The following MED12L variants were observed in gnomAD, a reference collection of about 807,000 sequenced individuals.
MED12L encodes the protein mediator complex subunit 12L.
A neutral mutation model predicts 281.3 loss-of-function variants in MED12L; 60 were observed. That is an observed-to-expected ratio of 0.21 (90% CI 0.17 to 0.26). MED12L has a LOEUF of 0.26. Ranked by LOEUF, MED12L falls within the 10% of genes least tolerant of loss-of-function variation. The probability of loss-of-function intolerance (pLI) is 1.00; values close to 1 mark genes in which losing one functional copy is unlikely to be tolerated. For missense variants in MED12L, 2,146 were observed against 2,680.9 expected (o/e 0.80, Z 4.41); for synonymous variants, 974 against 987.2 (o/e 0.99, Z 0.25).
intron 39 of MED12L, among the ~76,000 whole-genome samples, chr3:151,398,458 G>T (rs1715259425): frequency 6.6e-6 from 1 of 152,180 alleles, no homozygotes; most frequent in Non-Finnish European, 1.5e-5. Flanking sequence ...ATGAGCTTCA[G>T]TCAGTCATGG....
intron 13 of MED12L, 65 bp downstream of exon 13, chr3:151,188,545 C>G: frequency 6.9e-7 from 1 of 1,441,418 alleles, no homozygotes; most frequent in Non-Finnish European, 9.4e-7. Context: ...TTTCTGATTC[C>G]TTTTTTAAAA....
rs1756337965 is a variant in MED12L at position 151,372,677 on chromosome 3, A to T, written c.3775A>T (p.Asn1259Tyr). 1.2e-6 allele frequency: 2 copies of T among 1,613,866 alleles called. No individual in the cohort carries two copies. Among genetic ancestry groups the T allele is most frequent in the Non-Finnish European group, 1.7e-6 (2 of 1,179,896 alleles). Residue 1259 changes from asparagine to tyrosine, a missense_variant, in exon 27 of 45, where the codon AAT becomes TAT. This residue lies in a region of MED12L where 235 missense variants were observed against 260.3 expected (regional missense o/e 0.90). Coordinates refer to ENST00000687756, the MANE Select transcript of MED12L (RefSeq NM_001393769.1). ...TGATGATATCTGGACTGCCTCACAAAATCCAAAATCCTGTGGGAAAAGCAT... is the reference window on the plus strand; with the variant it reads ...TGATGATATCTGGACTGCCTCACAATATCCAAAATCCTGTGGGAAAAGCAT... ...NADDIWTASQ[N>Y]PKSCGKSISI...
intron 39 of MED12L, 107 bp downstream of exon 39, chr3:151,394,974 T>C (rs1226818104): frequency 1.4e-6 from 2 of 1,422,258 alleles, no homozygotes; most frequent in African/African-American, 2.8e-5. Context: ...TATCCCTGTA[T>C]ACTTGTGTGA....
chr3:151,160,938 G>C (rs1411535397), intron 8 of MED12L, among the ~76,000 whole-genome samples: 1 of 152,226 alleles, frequency 6.6e-6, no homozygotes, highest in African/African-American at 2.4e-5. Flanking sequence ...AAAGTTTCCT[G>C]GCAGGGGAAA....
chr3:151,161,210 G>C (rs1011943822), intron 8 of MED12L, among the ~76,000 whole-genome samples: 2 of 152,212 alleles, frequency 1.3e-5, no homozygotes, highest in Non-Finnish European at 2.9e-5. Flanking sequence ...AAAGAAATCA[G>C]TTTGGAAGCA....
At chr3:151,167,569 C>A (rs1041217852) in intron 11 of MED12L, among the ~76,000 whole-genome samples, 1 of 152,190 alleles carries the variant, frequency 6.6e-6, no homozygotes, top group Non-Finnish European at 1.5e-5. Flanking sequence ...TGATTGATCA[C>A]CCTGCTTCTC....
intron 16 of MED12L, among the ~76,000 whole-genome samples, chr3:151,220,721 C>T (rs1046133260): frequency 6.6e-6 from 1 of 152,198 alleles, no homozygotes; most frequent in African/African-American, 2.4e-5. Context: ...TGAGGCCTCC[C>T]ACCATGTGGA....
chr3:151,286,172 T>A (rs1297415140), intron 16 of MED12L, among the ~76,000 whole-genome samples: 1 of 152,126 alleles, frequency 6.6e-6, no homozygotes, highest in Admixed American at 6.5e-5. Context: ...CTCACATGGC[T>A]CTACCTCCTG....
intron 2 of MED12L, among the ~76,000 whole-genome samples, chr3:151,100,629 A>C (rs1721277225): frequency 1.3e-5 from 2 of 152,110 alleles, no homozygotes; most frequent in Admixed American, 1.3e-4. Context: ...TTTTTTAATA[A>C]AGCTTCACAC....
chr3:151,111,539 A>G (rs1711895769), intron 2 of MED12L, among the ~76,000 whole-genome samples: 1 of 152,198 alleles, frequency 6.6e-6, no homozygotes, highest in Non-Finnish European at 1.5e-5. Context: ...TCTTACCCAC[A>G]GTGCTGTCCC....
At chr3:151,314,841 G>A (rs576285691) in intron 16 of MED12L, among the ~76,000 whole-genome samples, 33 of 152,280 alleles carry the variant, frequency 2.2e-4, no homozygotes, top group African/African-American at 7.9e-4. Flanking sequence ...CATTTTACCT[G>A]TGAGGAAGGG....
At chr3:151,155,340 G>A (rs1192659612) in intron 5 of MED12L, among the ~76,000 whole-genome samples, 1 of 152,242 alleles carries the variant, frequency 6.6e-6, no homozygotes, top group Non-Finnish European at 1.5e-5. Context: ...GCAACACACT[G>A]ATTTAATTTG....
intron 7 of MED12L, 140 bp from the exon 8 acceptor site, chr3:151,159,692 C>A: frequency 1.4e-6 from 1 of 735,068 alleles, no homozygotes; most frequent in Non-Finnish European, 2.1e-6. Context: ...GGCTCACATT[C>A]TATTTCTATT....
At chr3:151,314,610 C>T (rs1747990459) in intron 16 of MED12L, among the ~76,000 whole-genome samples, 1 of 152,140 alleles carries the variant, frequency 6.6e-6, no homozygotes, top group Non-Finnish European at 1.5e-5. Flanking sequence ...AATCTGAGAC[C>T]TAGCGAAGTC....
At chr3:151,131,918 A>G (rs1384587610) in intron 5 of MED12L, among the ~76,000 whole-genome samples, 3 of 152,196 alleles carry the variant, frequency 2.0e-5, no homozygotes, top group East Asian at 1.9e-4. Context: ...TGGATGGATT[A>G]TTAGGTTTAG....
intron 16 of MED12L, among the ~76,000 whole-genome samples, chr3:151,217,246 T>A (rs892027493): frequency 3.3e-5 from 5 of 152,182 alleles, no homozygotes; most frequent in African/African-American, 9.7e-5. Context: ...ATGAGAGACA[T>A]AATTCCTTTT....
chr3:151,268,299 C>G (rs553430038), intron 16 of MED12L, among the ~76,000 whole-genome samples: 1 of 152,132 alleles, frequency 6.6e-6, no homozygotes, highest in African/African-American at 2.4e-5. Context: ...CTGTGAATTA[C>G]TGTTTTATGG....
intron 16 of MED12L, among the ~76,000 whole-genome samples, chr3:151,276,616 C>T (rs770395775): frequency 1.2e-4 from 18 of 152,150 alleles, no homozygotes; most frequent in Non-Finnish European, 2.5e-4. Flanking sequence ...GTTCATAGAG[C>T]CTTAGGCTTA....
At chr3:151,177,485 T>C (rs1377335400) in intron 11 of MED12L, among the ~76,000 whole-genome samples, 2 of 152,184 alleles carry the variant, frequency 1.3e-5, no homozygotes, top group African/African-American at 4.8e-5. Flanking sequence ...TTAGAGATGA[T>C]GTGTGTAAAA....
Sources: allele counts gnomAD v4.1 joint callset (sites outside exome capture counted in the v4.1 genomes callset), GRCh38; gene constraint gnomAD v4.1.1; regional missense constraint gnomAD v4.1.1; transcripts MANE v1.5; gene names NCBI Gene and HGNC (gene_info 2026-07-23, HGNC 2026-07-21).